NCALD: variants seen among roughly 807,000 people sequenced by gnomAD.
NCALD encodes neurocalcin-delta.
A neutral mutation model predicts 18.6 loss-of-function variants in NCALD; 10 were observed. The observed-to-expected ratio is 0.54, with a 90% CI of 0.33 to 0.91. The LOEUF (loss-of-function observed/expected upper bound fraction) is 0.91, where lower values mean the gene tolerates loss of function less well. NCALD is among the 40% of genes least tolerant of loss of function. The pLI is 0.03. For synonymous variants in NCALD, 88 were observed against 87.4 expected (o/e 1.01, Z -0.04); for missense variants, 184 against 247.6 (o/e 0.74, Z 1.72).
chr8:102,032,622 T>A (rs1381029562), intron 1 of NCALD, among the ~76,000 whole-genome samples: 40 of 104,954 alleles, frequency 3.8e-4, no homozygotes, highest in South Asian at 7.8e-4. Context: ...GAAAAACTGC[T>A]AAAAAAAAAA....
chr8:101,828,422 T>C (rs2131228679), intron 4 of NCALD, among the ~76,000 whole-genome samples: 1 of 152,320 alleles, frequency 6.6e-6, no homozygotes, highest in East Asian at 1.9e-4. Flanking sequence ...TACTGTTCTC[T>C]TGCTCGGTAA....
intron 2 of NCALD, among the ~76,000 whole-genome samples, chr8:101,997,788 G>A (rs1363184451): frequency 6.6e-6 from 1 of 152,200 alleles, no homozygotes. Context: ...TTAAGATCGT[G>A]TTGTTTTGCT....
chr8:102,050,258 G>GA (rs1262546208), intron 1 of NCALD, among the ~76,000 whole-genome samples: 2 of 147,994 alleles, frequency 1.4e-5, no homozygotes, highest in African/African-American at 5.0e-5. Context: ...ATGAGTCCTT[G>GA]ATCAAATAAG....
chr8:101,839,905 C>T (rs1351377940), intron 4 of NCALD, among the ~76,000 whole-genome samples: 1 of 151,840 alleles, frequency 6.6e-6, no homozygotes, highest in African/African-American at 2.4e-5. Context: ...TTCCAGGCTC[C>T]CTGTGGCATT....
Position 101,798,820 on chromosome 8 carries a change from T to C in NCALD, c.-19-79172A>G, listed in dbSNP as rs139235164. Among the ~76,000 whole-genome samples the C allele has an allele frequency of 5.7e-3, 863 of 152,332 alleles. 11 individuals are homozygous for C. Among genetic ancestry groups the C allele is most frequent in the African/African-American group, 0.018 (758 of 41,582 alleles). On this transcript the variant is annotated intron_variant, in intron 4 of 6. Coordinates refer to the NCALD transcript ENST00000311028. ...GCATAGGGACAGACATGTACATCAA[T>C]GGAACAGAATGGAGAACCCAATAGC... is the stretch of plus-strand genomic sequence containing the variant.
At chr8:101,840,793 G>A (rs996113109) in intron 4 of NCALD, among the ~76,000 whole-genome samples, 14 of 152,232 alleles carry the variant, frequency 9.2e-5, no homozygotes, top group African/African-American at 2.9e-4. Context: ...TATTTGAAGC[G>A]CAAAGACATT....
chr8:101,961,265 T>C (rs767181130), intron 2 of NCALD, among the ~76,000 whole-genome samples: 6 of 152,138 alleles, frequency 3.9e-5, no homozygotes, highest in Non-Finnish European at 8.8e-5. Context: ...GTCAATAACA[T>C]TGTGGTATAA....
chr8:101,694,035 C>T (rs1253660458), intron 2 of NCALD: 2 of 152,122 alleles, frequency 1.3e-5, no homozygotes, highest in Admixed American at 1.3e-4. Context: ...CCACATGGGA[C>T]TCAGTAAGGG....
At chr8:101,765,991 G>C (rs959793213) in intron 1 of NCALD, among the ~76,000 whole-genome samples, 1 of 152,100 alleles carries the variant, frequency 6.6e-6, no homozygotes, top group Non-Finnish European at 1.5e-5. Flanking sequence ...AAAGTCTCAC[G>C]TGCACATGTC....
chr8:101,820,868 TC>T (rs1813693478), intron 4 of NCALD, among the ~76,000 whole-genome samples: 1 of 152,204 alleles, frequency 6.6e-6, no homozygotes, highest in Non-Finnish European at 1.5e-5. Flanking sequence ...TCTAGTGCTT[TC>T]ATAGCATGAA....
chr8:101,709,327 T>C (rs1815676800), intron 2 of NCALD, among the ~76,000 whole-genome samples: 1 of 152,234 alleles, frequency 6.6e-6, no homozygotes, highest in Non-Finnish European at 1.5e-5. Flanking sequence ...TCTATTTTCC[T>C]GCCTCACCCT....
At chr8:102,121,832 T>C (rs1424977701) in intron 1 of NCALD, among the ~76,000 whole-genome samples, 1 of 152,234 alleles carries the variant, frequency 6.6e-6, no homozygotes, top group Non-Finnish European at 1.5e-5. Context: ...TTCCTTAGTA[T>C]TTCCCAAGGT....
intron 1 of NCALD, among the ~76,000 whole-genome samples, chr8:102,050,788 CTAATTTTTAATTTAATTAATT>C (rs1230051633): frequency 7.0e-6 from 1 of 143,410 alleles, no homozygotes; most frequent in African/African-American, 2.5e-5. Flanking sequence ...ATTTAATTAA[CTAATTTTTAATTTAATTAATT>C]TAATCATTTT....
chr8:101,833,825 G>T (rs1408683909), intron 4 of NCALD, among the ~76,000 whole-genome samples: 2 of 152,162 alleles, frequency 1.3e-5, no homozygotes, highest in Admixed American at 6.5e-5. Context: ...GAGGATAATT[G>T]TTCCCCTTCT....
chr8:101,899,723 AAAT>A (rs1317322444), intron 3 of NCALD, among the ~76,000 whole-genome samples: 34 of 146,192 alleles, frequency 2.3e-4, no homozygotes, highest in African/African-American at 9.1e-4. Flanking sequence ...TCCCTAGAAT[AAAT>A]ATATGGTTAT....
At chr8:101,707,660 T>C (rs766408118) in intron 2 of NCALD, among the ~76,000 whole-genome samples, 42 of 152,204 alleles carry the variant, frequency 2.8e-4, no homozygotes, top group Non-Finnish European at 4.7e-4. Context: ...CATCAGAAGA[T>C]GTCAGTTAAC....
At chr8:101,975,847 C>G (rs1669028166) in intron 2 of NCALD, among the ~76,000 whole-genome samples, 1 of 152,154 alleles carries the variant, frequency 6.6e-6, no homozygotes, top group African/African-American at 2.4e-5. Context: ...TATATCTTCT[C>G]TTTGTATTTC....
intron 3 of NCALD, among the ~76,000 whole-genome samples, chr8:101,905,427 G>A (rs549632016): frequency 2.0e-5 from 3 of 151,920 alleles, no homozygotes; most frequent in South Asian, 2.1e-4. Flanking sequence ...TCAGGAGGCC[G>A]ACCTCAGCAA....
At chr8:101,792,895 T>TAA (rs1033472065), upstream of NCALD, among the ~76,000 whole-genome samples, 134 of 136,490 alleles carry the variant, frequency 9.8e-4, no homozygotes, top group African/African-American at 3.3e-3. Context: ...TTCTCAGTTC[T>TAA]AAAAAAAAAA....
Sources: allele counts gnomAD v4.1 joint callset (sites outside exome capture counted in the v4.1 genomes callset), GRCh38; gene constraint gnomAD v4.1.1; transcripts MANE v1.5; gene names NCBI Gene and HGNC (gene_info 2026-07-23, HGNC 2026-07-21).